SMAD4: variants seen among roughly 807,000 people sequenced by gnomAD.
SMAD4 encodes MAD homolog 4.
A neutral mutation model predicts 63.2 loss-of-function variants in SMAD4; 7 were observed. The ratio of observed to expected loss-of-function variants is 0.11; its 90% CI spans 0.06 to 0.21. The LOEUF (loss-of-function observed/expected upper bound fraction) is 0.21. SMAD4 is among the 10% of genes least tolerant of loss of function. The pLI is 1.00. For synonymous variants in SMAD4, 215 were observed against 235.4 expected (o/e 0.91, Z 0.79); for missense variants, 312 against 693.8 (o/e 0.45, Z 6.18).
chr18:51,030,871 A>C (rs1394235899), intron 1 of SMAD4, among the ~76,000 whole-genome samples: 1 of 151,592 alleles, frequency 6.6e-6, no homozygotes, highest in African/African-American at 2.4e-5. Flanking sequence ...GGGAGAATCA[A>C]GTTAAACTCG....
Position 51,080,767 on chromosome 18 carries a change from CT to C in SMAD4, c.*2301del. Reference sequence around the variant, plus strand: ...TGTTGGCCAGGCTGGTCTTGAACTCCTGACCTCAAGTGATCCATCCACCTTG... The same window carrying C: ...TGTTGGCCAGGCTGGTCTTGAACTCCGACCTCAAGTGATCCATCCACCTTG... On this transcript the variant is annotated 3_prime_UTR_variant, in exon 12 of 12. Transcript: ENST00000342988. 1 of 173,464 alleles carries C rather than the reference CT, an allele frequency of 5.8e-6. No individual in the cohort carries two copies. Among genetic ancestry groups the C allele is most frequent in the Non-Finnish European group, 1.2e-5 (1 of 80,140 alleles). The allele number at this position is 173,464 out of a possible 1,614,324, so 10.7% of individuals were successfully genotyped here.
At chr18:51,067,904 T>G (rs1408186536) in intron 10 of SMAD4, among the ~76,000 whole-genome samples, 1 of 152,218 alleles carries the variant, frequency 6.6e-6, no homozygotes, top group African/African-American at 2.4e-5. Flanking sequence ...GCCTGAAATA[T>G]TTTTCACTAG....
In SMAD4 at chr18:51,084,343, G is replaced by T. The variant is rs1367553544; in HGVS notation, c.*5876G>T. The T allele has an allele frequency of 8.7e-6, 2 of 229,542 alleles. No individual in the cohort carries two copies. The highest frequency in any genetic ancestry group is 4.4e-5 in the African/African-American group (2 of 45,072). The allele number at this position is 229,542 out of a possible 1,614,324, so 14.2% of individuals were successfully genotyped here. A position where few individuals can be genotyped will look rare whatever the true frequency, so the allele number is the denominator to read the frequency against. ...TATATGACTCAAGAAAACAATACCA[G>T]TAGATGATTATTAACTTTATTCTTG... is the stretch of plus-strand genomic sequence containing the variant. On this transcript the variant is annotated 3_prime_UTR_variant, in exon 12 of 12. Coordinates refer to ENST00000342988, the MANE Select transcript of SMAD4 (RefSeq NM_005359.6).
At chr18:51,039,182 G>A (rs1036398609) in intron 1 of SMAD4, among the ~76,000 whole-genome samples, 1 of 152,166 alleles carries the variant, frequency 6.6e-6, no homozygotes, top group African/African-American at 2.4e-5. Context: ...CTATTTCTAT[G>A]CATTATCGAC....
At chr18:51,035,367 C>T (rs1163780577) in intron 1 of SMAD4, among the ~76,000 whole-genome samples, 1 of 152,052 alleles carries the variant, frequency 6.6e-6, no homozygotes, top group African/African-American at 2.4e-5. Flanking sequence ...TACTTTAAGT[C>T]CCCAAGTTAG....
intron 10 of SMAD4, among the ~76,000 whole-genome samples, chr18:51,075,431 A>G (rs1314762884): frequency 1.3e-5 from 2 of 152,188 alleles, no homozygotes; most frequent in African/African-American, 2.4e-5. Flanking sequence ...AAAAATATTC[A>G]TGTCCTTTTA....
At chr18:51,056,200 G>T (rs1206186147) in intron 5 of SMAD4, among the ~76,000 whole-genome samples, 2 of 152,186 alleles carry the variant, frequency 1.3e-5, no homozygotes, top group East Asian at 3.9e-4. Flanking sequence ...ATAAAAGAAG[G>T]TACATTATAG....
intron 1 of SMAD4, among the ~76,000 whole-genome samples, chr18:51,045,295 A>G (rs1909510264): frequency 6.6e-6 from 1 of 152,222 alleles, no homozygotes; most frequent in African/African-American, 2.4e-5. Context: ...GAGTTTTATT[A>G]ATCTTGTGGG....
At chr18:51,045,617 T>C (rs150004864) in intron 1 of SMAD4, among the ~76,000 whole-genome samples, 2 of 152,356 alleles carry the variant, frequency 1.3e-5, no homozygotes, top group East Asian at 3.9e-4. Context: ...TAGTGATCTC[T>C]TTAAAGAACA....
At chr18:51,044,825 C>G (rs1227715009) in intron 1 of SMAD4, 1 of 152,174 alleles carries the variant, frequency 6.6e-6, no homozygotes, top group Non-Finnish European at 1.5e-5. Context: ...ACTTCATTTT[C>G]TGACTACTAT....
chr18:51,048,792 T>C lies in SMAD4; in HGVS notation c.356T>C (p.Phe119Ser). 6.2e-7 allele frequency: 1 copy of C among 1,614,126 alleles called. No homozygotes were observed. The highest frequency in any genetic ancestry group is 8.5e-7 in the Non-Finnish European group (1 of 1,179,952). ...LKHVKYCQYA[F>S]DLKCDSVCVN... is the part of the protein sequence containing the mutation. ...CATGTTAAATATTGTCAGTATGCGT[T>C]TGACTTAAAATGTGATAGTGTCTGT... The change falls in exon 3 of 12, where the codon TTT (phenylalanine) becomes TCT (serine). Residue 119 changes from phenylalanine to serine, a missense_variant. By Grantham distance (155) the Phe-to-Ser change is radical. Transcript: ENST00000342988.
At chr18:51,041,999 G>A (rs1028333321) in intron 1 of SMAD4, among the ~76,000 whole-genome samples, 1 of 152,006 alleles carries the variant, frequency 6.6e-6, no homozygotes, top group Non-Finnish European at 1.5e-5. Flanking sequence ...TATTACTTAT[G>A]TAATAATATG....
At chr18:51,065,105 C>A (rs1221571191) in intron 8 of SMAD4, among the ~76,000 whole-genome samples, 1 of 151,868 alleles carries the variant, frequency 6.6e-6, no homozygotes, top group African/African-American at 2.4e-5. Flanking sequence ...CTCAGTTGAC[C>A]TGGTCCTTTG....
At chr18:51,062,368 A>G (rs1028126620) in intron 8 of SMAD4, among the ~76,000 whole-genome samples, 2 of 152,138 alleles carry the variant, frequency 1.3e-5, no homozygotes, top group African/African-American at 4.8e-5. Context: ...CTAAAACATT[A>G]TGGCATCCCA....
At chr18:51,076,560 A>G (rs1910475143) in intron 10 of SMAD4, 78 bp from the exon 11 acceptor site, 3 of 1,304,068 alleles carry the variant, frequency 2.3e-6, no homozygotes, top group Non-Finnish European at 3.3e-6. Context: ...ACTGAGTTTT[A>G]AATAAGTCAG....
In SMAD4 at chr18:51,048,872, T is replaced by C; in HGVS notation, c.424+12T>C. ...ATCACCTGGAATTGGTAAGTAGACT[T>C]TGCTTTCATCCTAAGAAACATAAAG... On this transcript the variant is annotated intron_variant, in intron 3 of 11. Transcript: ENST00000342988. 1.2e-6 allele frequency: 2 copies of C among 1,608,844 alleles called. No homozygotes were observed. The highest frequency in any genetic ancestry group is 1.7e-6 in the Non-Finnish European group (2 of 1,175,740).
rs1414914656 is a variant in SMAD4, at chr18:51,084,024, A to G, written c.*5557A>G. Reference sequence around the variant, plus strand: ...CGCACGCGCGCGCGCACACACACACACACACACACACACACACACAGGTCA... The same window carrying G: ...CGCACGCGCGCGCGCACACACACACGCACACACACACACACACACAGGTCA... On this transcript the variant is annotated 3_prime_UTR_variant, in exon 12 of 12. Coordinates refer to ENST00000342988, the MANE Select transcript of SMAD4 (RefSeq NM_005359.6). 3.9e-3 allele frequency: 896 copies of G among 230,712 alleles called. 8 individuals carry two copies. Among genetic ancestry groups the G allele is most frequent in the African/African-American group, 0.018 (786 of 44,660 alleles). 14.3% of individuals were successfully genotyped at this position (230,712 alleles called of 1,614,324 possible).
At chr18:51,062,130 G>A (rs1160649397) in intron 8 of SMAD4, among the ~76,000 whole-genome samples, 3 of 152,154 alleles carry the variant, frequency 2.0e-5, no homozygotes, top group Non-Finnish European at 4.4e-5. Context: ...TATTAGTGGG[G>A]CAGAAGCATT....
At position 51,078,793 on chromosome 18, in the gene SMAD4, C is replaced by T. The variant is rs1910536912; in HGVS notation, c.*326C>T. The T allele has an allele frequency of 5.9e-6, 2 of 336,540 alleles. No individual in the cohort carries two copies. The highest frequency in any genetic ancestry group is 8.8e-5 in the Admixed American group (2 of 22,846). 20.8% of individuals were successfully genotyped at this position (336,540 alleles called of 1,614,324 possible). A position where few individuals can be genotyped will look rare whatever the true frequency, so the allele number is the denominator to read the frequency against. On this transcript the variant is annotated 3_prime_UTR_variant, in exon 12 of 12. Transcript: ENST00000342988. ...AAAACGTCTTAGAGCCTTTTATCTGCAGAACATCGATATGTATATCATTCT... is the reference window on the plus strand; with the variant it reads ...AAAACGTCTTAGAGCCTTTTATCTGTAGAACATCGATATGTATATCATTCT...
Sources: allele counts gnomAD v4.1 joint callset (sites outside exome capture counted in the v4.1 genomes callset), GRCh38; gene constraint gnomAD v4.1.1; transcripts MANE v1.5; gene names NCBI Gene and HGNC (gene_info 2026-07-23, HGNC 2026-07-21).